THSD4: variants seen among roughly 807,000 people sequenced by gnomAD.
THSD4 encodes the protein thrombospondin type-1 domain-containing protein 4.
A neutral mutation model predicts 119.0 loss-of-function variants in THSD4; 69 were observed. The ratio of observed to expected loss-of-function variants is 0.58; its 90% CI spans 0.48 to 0.71. The LOEUF (loss-of-function observed/expected upper bound fraction) is 0.71. Ranked by LOEUF, THSD4 falls within the 30% of genes least tolerant of loss-of-function variation. The pLI is 0.00. For synonymous variants in THSD4, 524 were observed against 540.4 expected, an observed-to-expected ratio of 0.97 and a Z score of 0.42; for missense variants, 1,393 against 1,391.1, an observed-to-expected ratio of 1.00 and a Z score of -0.02.
chr15:71,408,167 C>A (rs201688963), intron 6 of THSD4, among the ~76,000 whole-genome samples: 3 of 148,242 alleles, frequency 2.0e-5, no homozygotes, highest in African/African-American at 2.5e-5. Context: ...TACTTAAAGG[C>A]AAAAAAAAAA....
intron 6 of THSD4, among the ~76,000 whole-genome samples, chr15:71,279,806 T>G (rs1278571257): frequency 6.6e-6 from 1 of 150,842 alleles, no homozygotes; most frequent in East Asian, 1.9e-4. Flanking sequence ...ACACAAAGAT[T>G]GCTACAACAT....
At chr15:71,181,998 G>A (rs563185567) in intron 3 of THSD4, among the ~76,000 whole-genome samples, 3 of 152,292 alleles carry the variant, frequency 2.0e-5, no homozygotes, top group East Asian at 1.9e-4. Flanking sequence ...CAGAGGAAGC[G>A]GACACTGGGG....
At chr15:71,104,609 C>A (rs1364959823) in intron 1 of THSD4, among the ~76,000 whole-genome samples, 2 of 151,958 alleles carry the variant, frequency 1.3e-5, no homozygotes, top group African/African-American at 4.8e-5. Context: ...GAAAGTGTGT[C>A]TGTGGCAGTC....
intron 7 of THSD4, among the ~76,000 whole-genome samples, chr15:71,538,398 C>A (rs62026273): frequency 0.27 from 40,735 of 152,084 alleles, 6,193 homozygotes; most frequent in East Asian, 0.63. Context: ...CACGAAATCC[C>A]TCTACATGTT....
chr15:71,731,554 G>T (rs2052980956), intron 10 of THSD4: 1 of 270,876 alleles, frequency 3.7e-6, no homozygotes, highest in Admixed American at 4.2e-5. Flanking sequence ...CGACGCAGGT[G>T]GATCGCTTGG....
intron 3 of THSD4, among the ~76,000 whole-genome samples, chr15:71,185,052 C>A (rs972349440): frequency 2.0e-5 from 3 of 151,686 alleles, no homozygotes; most frequent in Admixed American, 6.6e-5. Flanking sequence ...GCATCAAAAC[C>A]TTTGAGCTAA....
At chr15:71,208,038 TC>T (rs951050078) in intron 3 of THSD4, among the ~76,000 whole-genome samples, 1 of 152,140 alleles carries the variant, frequency 6.6e-6, no homozygotes, top group Non-Finnish European at 1.5e-5. Context: ...AACAGCAAGT[TC>T]AAAGGAGCTG....
chr15:71,120,239 CCCCAGCTTCCCTTT>C (rs1409425175), intron 1 of THSD4, among the ~76,000 whole-genome samples: 3 of 152,118 alleles, frequency 2.0e-5, no homozygotes, highest in African/African-American at 7.2e-5. Context: ...CACTCCCCTT[CCCCAGCTTCCCTTT>C]AGATTGCCCA....
chr15:71,412,486 G>A (rs2046702861), intron 7 of THSD4, among the ~76,000 whole-genome samples: 1 of 152,150 alleles, frequency 6.6e-6, no homozygotes. Context: ...ATTAATTTGC[G>A]CTTGGACTTC....
chr15:71,333,967 G>A (rs2045460328), intron 6 of THSD4, among the ~76,000 whole-genome samples: 1 of 152,104 alleles, frequency 6.6e-6, no homozygotes, highest in Admixed American at 6.6e-5. Context: ...CCAAATATGT[G>A]GAATTCAGAG....
At chr15:71,112,928 C>T (rs896594615), upstream of THSD4, among the ~76,000 whole-genome samples, 2 of 152,198 alleles carry the variant, frequency 1.3e-5, no homozygotes, top group African/African-American at 4.8e-5. Flanking sequence ...CCTGTAATCT[C>T]AGCACTTTGG....
intron 7 of THSD4, among the ~76,000 whole-genome samples, chr15:71,556,851 T>C (rs1012363224): frequency 1.3e-5 from 2 of 152,166 alleles, no homozygotes; most frequent in Non-Finnish European, 2.9e-5. Flanking sequence ...GTAGGAACTT[T>C]TGTAATTTCT....
intron 6 of THSD4, among the ~76,000 whole-genome samples, chr15:71,325,483 G>A (rs1472016415): frequency 1.3e-5 from 2 of 152,206 alleles, no homozygotes; most frequent in Non-Finnish European, 2.9e-5. Flanking sequence ...AAGGAGGCAA[G>A]TGTGGGGATG....
intron 16 of THSD4, among the ~76,000 whole-genome samples, chr15:71,768,435 C>A (rs1046493721): frequency 6.6e-6 from 1 of 152,102 alleles, no homozygotes; most frequent in African/African-American, 2.4e-5. Context: ...TTCCACCCCA[C>A]CACCGCAACC....
intron 7 of THSD4, among the ~76,000 whole-genome samples, chr15:71,538,332 A>G (rs905934015): frequency 1.3e-5 from 2 of 152,228 alleles, no homozygotes; most frequent in Non-Finnish European, 2.9e-5. Flanking sequence ...GGCTGGCCAC[A>G]TTCCCAACCC....
intron 4 of THSD4, among the ~76,000 whole-genome samples, chr15:71,220,019 T>C (rs972513824): frequency 3.3e-5 from 5 of 152,198 alleles, no homozygotes; most frequent in Admixed American, 6.5e-5. Context: ...GCTGCATCTC[T>C]TCCTTTCAAT....
intron 6 of THSD4, among the ~76,000 whole-genome samples, chr15:71,353,522 C>T (rs911931315): frequency 2.0e-5 from 3 of 152,174 alleles, no homozygotes; most frequent in African/African-American, 7.2e-5. Flanking sequence ...TAAGTTCTTA[C>T]ATCTGAGGTC....
At chr15:71,698,914 C>G (rs9744430) in intron 8 of THSD4, among the ~76,000 whole-genome samples, 88,258 of 151,460 alleles carry the variant, frequency 0.58, 28,376 homozygotes, top group Middle Eastern at 0.73. Context: ...TAGAGCTTGG[C>G]AGGAAGGGGG....
chr15:71,687,755 CAAAA>C (rs371746249), intron 8 of THSD4, among the ~76,000 whole-genome samples: 1 of 55,116 alleles, frequency 1.8e-5, no homozygotes, highest in African/African-American at 6.0e-5. Context: ...AACTCTGTCT[CAAAA>C]AAAAAAAAAA....
Sources: allele counts gnomAD v4.1 joint callset (sites outside exome capture counted in the v4.1 genomes callset), GRCh38; gene constraint gnomAD v4.1.1; transcripts MANE v1.5; gene names NCBI Gene and HGNC (gene_info 2026-07-23, HGNC 2026-07-21).